The following PTPRD variants were observed in gnomAD, a reference collection of about 807,000 sequenced individuals.
The protein encoded by PTPRD is protein tyrosine phosphatase receptor type D.
A neutral mutation model predicts 214.5 loss-of-function variants in PTPRD; 34 were observed. That is an observed-to-expected ratio of 0.16 (90% confidence interval 0.12 to 0.21). The LOEUF (loss-of-function observed/expected upper bound fraction) is 0.21. Among genes scored for constraint, PTPRD ranks in the 10% least tolerant of loss-of-function variants. The probability of loss-of-function intolerance (pLI) is 1.00; values close to 1 mark genes in which losing one functional copy is unlikely to be tolerated. For missense variants in PTPRD, 2,545 were observed against 2,398.7 expected (o/e 1.06, Z -1.27); for synonymous variants, 1,128 against 845.7 (o/e 1.33, Z -5.79).
At chr9:9,472,746 T>C (rs1420501505) in intron 8 of PTPRD, among the ~76,000 whole-genome samples, 1 of 152,232 alleles carries the variant, frequency 6.6e-6, no homozygotes, top group Non-Finnish European at 1.5e-5. Context: ...GTTTTGCTTT[T>C]TAAGTTCCCT....
chr9:9,539,218 A>G (rs627247), intron 8 of PTPRD, among the ~76,000 whole-genome samples: 57,917 of 151,616 alleles, frequency 0.38, 11,341 homozygotes, highest in African/African-American at 0.4. Context: ...TAAGATATGC[A>G]GATGGGATGC....
At chr9:9,834,689 C>G (rs984360653) in intron 5 of PTPRD, among the ~76,000 whole-genome samples, 2 of 151,956 alleles carry the variant, frequency 1.3e-5, no homozygotes, top group Admixed American at 1.3e-4. Context: ...TTGCATATCT[C>G]TAGGAAGGGT....
chr9:8,571,617 G>A (rs1168443272), intron 14 of PTPRD, among the ~76,000 whole-genome samples: 1 of 152,080 alleles, frequency 6.6e-6, no homozygotes, highest in Non-Finnish European at 1.5e-5. Context: ...AAACAACTGA[G>A]CAAAGCCATA....
At chr9:8,369,928 A>G (rs561725997) in intron 39 of PTPRD, among the ~76,000 whole-genome samples, 82 of 152,164 alleles carry the variant, frequency 5.4e-4, no homozygotes, top group African/African-American at 1.9e-3. Context: ...ATCAGTTGTC[A>G]TGTCCCTCTG....
chr9:10,491,522 T>TA (rs1555421205), intron 2 of PTPRD, among the ~76,000 whole-genome samples: 3 of 151,810 alleles, frequency 2.0e-5, no homozygotes, highest in Non-Finnish European at 4.4e-5. Context: ...ATTGCATGCC[T>TA]ACAAGATGAA....
At chr9:8,460,673 A>G in intron 32 of PTPRD, 102 bp from the exon 33 acceptor site, 2 of 1,172,554 alleles carry the variant, frequency 1.7e-6, no homozygotes, top group South Asian at 1.6e-5. Flanking sequence ...AGTGGATTTA[A>G]TGATAAGTGT....
intron 3 of PTPRD, among the ~76,000 whole-genome samples, chr9:10,138,163 A>C (rs1435679717): frequency 6.6e-6 from 1 of 152,086 alleles, no homozygotes; most frequent in African/African-American, 2.4e-5. Flanking sequence ...AAGAGAAAAG[A>C]GATAAGATCT....
rs187330936 is a variant in PTPRD at position 10,317,771 on chromosome 9, C to T, written c.-545+23192G>A. ...CTTTCATTGTCGAAATCATTTGGCC[C>T]CAATGTGGTCTATAAGCTGGCCATG... is the stretch of plus-strand genomic sequence containing the variant. On this transcript the variant is annotated intron_variant, in intron 3 of 45. Coordinates refer to ENST00000381196, the MANE Select transcript of PTPRD (RefSeq NM_002839.4). 2.0e-3 allele frequency among the ~76,000 whole-genome samples: 299 copies of T among 151,938 alleles called. 3 individuals are homozygous for T. Among genetic ancestry groups the T allele is most frequent in the Non-Finnish European group, 2.3e-3 (155 of 67,890 alleles).
intron 11 of PTPRD, among the ~76,000 whole-genome samples, chr9:8,795,466 C>A (rs966073076): frequency 2.6e-5 from 4 of 152,036 alleles, no homozygotes; most frequent in African/African-American, 9.7e-5. Context: ...CCACACCCAG[C>A]CAATGAAAAA....
intron 2 of PTPRD, among the ~76,000 whole-genome samples, chr9:10,386,239 G>C (rs1215594217): frequency 1.3e-5 from 2 of 151,760 alleles, no homozygotes; most frequent in African/African-American, 2.4e-5. Context: ...CACACGTACA[G>C]AAAGACCTTA....
intron 12 of PTPRD, among the ~76,000 whole-genome samples, chr9:8,693,126 G>T (rs529610897): frequency 1.3e-5 from 2 of 152,164 alleles, no homozygotes; most frequent in African/African-American, 4.8e-5. Flanking sequence ...ATACTTGCTC[G>T]TGTCCTTTGC....
At chr9:9,216,813 G>T (rs1593786860) in intron 9 of PTPRD, among the ~76,000 whole-genome samples, 1 of 151,864 alleles carries the variant, frequency 6.6e-6, no homozygotes, top group East Asian at 1.9e-4. Context: ...ATACTTCTTT[G>T]TAAAATCTAT....
intron 3 of PTPRD, among the ~76,000 whole-genome samples, chr9:10,214,271 T>G (rs1311902368): frequency 6.6e-6 from 1 of 151,888 alleles, no homozygotes; most frequent in Non-Finnish European, 1.5e-5. Flanking sequence ...TAATTCTTTT[T>G]GTTTGTTTGT....
intron 3 of PTPRD, among the ~76,000 whole-genome samples, chr9:10,169,731 G>T (rs2099188762): frequency 6.6e-6 from 1 of 152,136 alleles, no homozygotes; most frequent in East Asian, 1.9e-4. Flanking sequence ...CTACATCCTT[G>T]CCAGTAAAAG....
rs1210635278 is a variant in PTPRD at position 10,142,322 on chromosome 9, T to A, written c.-544-108532A>T. On this transcript the variant is annotated intron_variant, in intron 3 of 45. Transcript: ENST00000381196. Reference sequence around the variant, plus strand: ...TTCTGCACAGCAAAAGAAACTACCATCAGAGTGAACAGGCAACCCACAAAA... The same window carrying A: ...TTCTGCACAGCAAAAGAAACTACCAACAGAGTGAACAGGCAACCCACAAAA... Among the ~76,000 whole-genome samples, 3 of 150,818 alleles carry A rather than the reference T, an allele frequency of 2.0e-5. No individual in the cohort carries two copies. In the East Asian group the frequency reaches 5.9e-4, roughly 29 times the overall value.
At chr9:9,710,866 G>C (rs192655372) in intron 7 of PTPRD, among the ~76,000 whole-genome samples, 2 of 152,090 alleles carry the variant, frequency 1.3e-5, no homozygotes, top group Admixed American at 1.3e-4. Flanking sequence ...ATGAGAAGAA[G>C]ACATGATTTC....
chr9:10,003,763 A>C (rs1323873373), intron 4 of PTPRD, among the ~76,000 whole-genome samples: 4 of 151,726 alleles, frequency 2.6e-5, no homozygotes, highest in African/African-American at 9.7e-5. Flanking sequence ...ATAACAACTC[A>C]TGTGGTCCTC....
At chr9:9,536,796 T>G (rs2076604084) in intron 8 of PTPRD, among the ~76,000 whole-genome samples, 1 of 152,042 alleles carries the variant, frequency 6.6e-6, no homozygotes, top group Admixed American at 6.6e-5. Flanking sequence ...CCCTTCTCAT[T>G]TAACTGGGAA....
At chr9:10,111,902 A>C (rs1395590780) in intron 3 of PTPRD, among the ~76,000 whole-genome samples, 1 of 152,200 alleles carries the variant, frequency 6.6e-6, no homozygotes, top group Non-Finnish European at 1.5e-5. Flanking sequence ...ACAATGGTAC[A>C]CTAAGACTAG....
Sources: gnomAD v4.1 joint callset for allele counts (sites outside exome capture counted in the v4.1 genomes callset) on GRCh38, gnomAD v4.1.1 for gene constraint, MANE v1.5 for transcripts, NCBI Gene and HGNC (gene_info 2026-07-23, HGNC 2026-07-21) for gene names.